The following ARHGEF3 variants were observed in gnomAD, a reference collection of about 807,000 sequenced individuals.
ARHGEF3 encodes Rho guanine nucleotide exchange factor 3, also known as 59.8 kDA protein.
Under a neutral mutation model 63.2 loss-of-function variants are expected in ARHGEF3, and 28 were observed. That is an observed-to-expected ratio of 0.44 (90% CI 0.33 to 0.61). ARHGEF3 has a LOEUF of 0.61. ARHGEF3 is among the 20% of genes least tolerant of loss of function. The pLI is 0.03. For synonymous variants in ARHGEF3, 266 were observed against 254.2 expected (o/e 1.05, Z -0.44); for missense variants, 533 against 659.3 (o/e 0.81, Z 2.10).
chr3:57,010,543 A>T (rs1379551834), intron 2 of ARHGEF3, among the ~76,000 whole-genome samples: 1 of 152,060 alleles, frequency 6.6e-6, no homozygotes, highest in Non-Finnish European at 1.5e-5. Context: ...ACATCTACAT[A>T]TACAGGTTAT....
chr3:57,076,362 A>G (rs1706221082), intron 1 of ARHGEF3, among the ~76,000 whole-genome samples: 1 of 152,178 alleles, frequency 6.6e-6, no homozygotes, highest in Non-Finnish European at 1.5e-5. Context: ...CAGGGACCTT[A>G]GTTATGGCAG....
intron 4 of ARHGEF3, among the ~76,000 whole-genome samples, chr3:56,832,937 TG>T (rs2038979909): frequency 1.3e-5 from 2 of 152,262 alleles, no homozygotes. Flanking sequence ...GGTTCATCCA[TG>T]TTGTAGCATG....
intron 4 of ARHGEF3, among the ~76,000 whole-genome samples, chr3:56,864,466 C>G (rs1208948703): frequency 6.6e-6 from 1 of 152,228 alleles, no homozygotes; most frequent in Non-Finnish European, 1.5e-5. Flanking sequence ...GTCAAGCTCC[C>G]TGGTTAAATG....
Position 56,795,655 on chromosome 3 carries a change from C to CTTT in ARHGEF3, c.96+6045_96+6047dup, listed in dbSNP as rs11306302. 2.1e-3 allele frequency among the ~76,000 whole-genome samples: 278 copies of CTTT among 130,564 alleles called. 3 individuals are homozygous for CTTT. Among genetic ancestry groups the CTTT allele is most frequent in the African/African-American group, 6.9e-3 (235 of 34,238 alleles). The allele number at this position is 130,564 out of a possible 152,430, so 85.7% of individuals were successfully genotyped here. A position where few individuals can be genotyped will look rare whatever the true frequency, so the allele number is the denominator to read the frequency against. On this transcript the variant is annotated intron_variant, in intron 1 of 9. Transcript: ENST00000296315. Reference sequence around the variant, plus strand: ...TTAACTTGTGACACAGTCTCTCTCTCTTTTTTTTTTTTGAAGATGGACTCT... The same window carrying CTTT: ...TTAACTTGTGACACAGTCTCTCTCTCTTTTTTTTTTTTTTTGAAGATGGACTCT...
At chr3:56,871,701 A>T (rs1428682619) in intron 4 of ARHGEF3, among the ~76,000 whole-genome samples, 1 of 152,220 alleles carries the variant, frequency 6.6e-6, no homozygotes, top group African/African-American at 2.4e-5. Flanking sequence ...TACAAATGTA[A>T]TATAATAGAA....
At chr3:57,035,067 AG>A in intron 2 of ARHGEF3, 2 of 1,514,334 alleles carry the variant, frequency 1.3e-6, no homozygotes, top group South Asian at 2.5e-5. Context: ...TTAATTATTT[AG>A]GTTATTTGAT....
rs370663400 is a variant in ARHGEF3 at position 57,017,005 on chromosome 3, G to GTCTCTCTC, written c.62+18075_62+18082dup. 8.7e-4 allele frequency among the ~76,000 whole-genome samples: 112 copies of GTCTCTCTC among 129,124 alleles called. 2 individuals are homozygous for GTCTCTCTC. The highest frequency in any genetic ancestry group is 3.3e-3 in the African/African-American group (102 of 30,568). 84.7% of individuals were successfully genotyped at this position (129,124 alleles called of 152,430 possible). A position where few individuals can be genotyped will look rare whatever the true frequency, so the allele number is the denominator to read the frequency against. On this transcript the variant is annotated intron_variant, in intron 2 of 12. Coordinates refer to the ARHGEF3 transcript ENST00000338458. ...GGAGAGAGAGGAAAGCTTTCTCTCT[G>GTCTCTCTC]TCTCTCTCTCTCTCTCTCTCTCTCT...
chr3:56,999,251 A>G (rs1324640332), intron 2 of ARHGEF3, among the ~76,000 whole-genome samples: 5 of 152,114 alleles, frequency 3.3e-5, no homozygotes, highest in African/African-American at 9.7e-5. Context: ...GGGTTTCACC[A>G]TGTTGGCCAG....
At chr3:57,021,123 A>G (rs749885497) in intron 2 of ARHGEF3, among the ~76,000 whole-genome samples, 2 of 152,234 alleles carry the variant, frequency 1.3e-5, no homozygotes, top group Non-Finnish European at 2.9e-5. Context: ...TCCATGCTTG[A>G]AAAGCACAGC....
intron 2 of ARHGEF3, among the ~76,000 whole-genome samples, chr3:57,001,306 T>C (rs1164848565): frequency 6.6e-6 from 1 of 152,246 alleles, no homozygotes; most frequent in East Asian, 1.9e-4. Flanking sequence ...ATGCAGGTGA[T>C]AACTGCTCTA....
chr3:56,917,738 C>G (rs1390650150), intron 3 of ARHGEF3, among the ~76,000 whole-genome samples: 2 of 152,142 alleles, frequency 1.3e-5, no homozygotes, highest in East Asian at 3.8e-4. Flanking sequence ...AACAGCAAGG[C>G]AGTGCAGAAC....
chr3:56,807,672 G>A (rs941738700), intron 4 of ARHGEF3, among the ~76,000 whole-genome samples: 3 of 152,196 alleles, frequency 2.0e-5, no homozygotes, highest in Admixed American at 6.5e-5. Context: ...ACCTAAAGAA[G>A]TTCTGGCAGT....
At chr3:56,905,076 T>A (rs2108319027) in intron 3 of ARHGEF3, among the ~76,000 whole-genome samples, 1 of 152,322 alleles carries the variant, frequency 6.6e-6, no homozygotes, top group East Asian at 1.9e-4. Context: ...CCTGAAGGAC[T>A]CCTATGCATC....
intron 2 of ARHGEF3, among the ~76,000 whole-genome samples, chr3:56,999,901 G>A (rs578036221): frequency 6.6e-6 from 1 of 152,204 alleles, no homozygotes; most frequent in African/African-American, 2.4e-5. Flanking sequence ...ATGACAGTGA[G>A]AGATCACTAT....
chr3:56,730,333 C>T (rs1271477952), intron 9 of ARHGEF3, among the ~76,000 whole-genome samples: 1 of 151,044 alleles, frequency 6.6e-6, no homozygotes, highest in Non-Finnish European at 1.5e-5. Context: ...CAACAGGAGC[C>T]ATCTGCATTT....
chr3:56,734,299 T>C (rs1656283023), intron 8 of ARHGEF3, among the ~76,000 whole-genome samples: 1 of 152,174 alleles, frequency 6.6e-6, no homozygotes, highest in Non-Finnish European at 1.5e-5. Context: ...TATTTGGGAA[T>C]GTCAATCCAG....
intron 7 of ARHGEF3, among the ~76,000 whole-genome samples, chr3:56,738,710 G>C (rs1278597540): frequency 6.6e-6 from 1 of 152,126 alleles, no homozygotes; most frequent in African/African-American, 2.4e-5. Flanking sequence ...TATTTATTCT[G>C]ATGTGTTGGT....
chr3:57,072,507 G>A (rs1003741852), intron 1 of ARHGEF3, among the ~76,000 whole-genome samples: 5 of 151,444 alleles, frequency 3.3e-5, no homozygotes, highest in East Asian at 3.9e-4. Context: ...TCAGGAGGCC[G>A]AGGTGGGAGG....
intron 2 of ARHGEF3, among the ~76,000 whole-genome samples, chr3:56,983,762 C>T (rs879427516): frequency 6.6e-6 from 1 of 152,030 alleles, no homozygotes; most frequent in African/African-American, 2.4e-5. Flanking sequence ...ATGGTGAAAC[C>T]CTGTCTCTAC....
Sources: gnomAD v4.1 joint callset for allele counts (sites outside exome capture counted in the v4.1 genomes callset) on GRCh38, gnomAD v4.1.1 for gene constraint, MANE v1.5 for transcripts, NCBI Gene and HGNC (gene_info 2026-07-23, HGNC 2026-07-21) for gene names.